ALDH3B2: variants seen among roughly 807,000 people sequenced by gnomAD.
ALDH3B2 encodes the protein aldehyde dehydrogenase 3 family member B2, also known as aldehyde dehydrogenase family 3 member B2.
In ALDH3B2, 45 loss-of-function variants were observed where a neutral mutation model predicts 36.7. The observed-to-expected ratio is 1.23, with a 90% CI of 0.97 to 1.57. The LOEUF is 1.57. ALDH3B2 is among the 40% of genes most tolerant of loss of function. ALDH3B2 has a pLI of 0.00. For missense variants in ALDH3B2, 464 were observed against 513.3 expected (o/e 0.90, Z 0.93); for synonymous variants, 217 against 226.5 (o/e 0.96, Z 0.38).
intron 1 of ALDH3B2, among the ~76,000 whole-genome samples, chr11:67,670,402 C>T (rs1023935027): frequency 1.9e-4 from 29 of 152,044 alleles, no homozygotes; most frequent in African/African-American, 6.5e-4. Context: ...TAATCTCAGC[C>T]CTCAGCTGCA....
chr11:67,672,148 AT>A (rs59262273), intron 1 of ALDH3B2, among the ~76,000 whole-genome samples: 74,459 of 95,990 alleles, frequency 0.78, 30,566 homozygotes, highest in South Asian at 0.92. Context: ...ATATATATGT[AT>A]TTTTTTTTTT....
At chr11:67,670,072 GTCCACATGTGTCTGTGTGTGTA>G (rs1856055285) in intron 1 of ALDH3B2, among the ~76,000 whole-genome samples, 1 of 18,404 alleles carries the variant, frequency 5.4e-5, no homozygotes, top group Non-Finnish European at 2.3e-4. Context: ...GGGTGTGTGT[GTCCACATGTGTCTGTGTGTGTA>G]TGGGTGTCTG....
exon 7 of ALDH3B2, chr11:67,665,471 C>T (rs537404605): frequency 1.1e-4 from 176 of 1,614,028 alleles, no homozygotes; most frequent in South Asian, 1.1e-4. Flanking sequence ...TCCTGCATCT[C>T]GGGGCTGCAC....
Position 67,672,134 on chromosome 11 carries a change from G to GTATATA in ALDH3B2, c.-245+2297_-245+2302dup, listed in dbSNP as rs59299469. 1.5e-3 allele frequency among the ~76,000 whole-genome samples: 150 copies of GTATATA among 97,572 alleles called. 6 individuals are homozygous for GTATATA. The highest frequency in any genetic ancestry group is 6.7e-3 in the African/African-American group (139 of 20,858). The allele number at this position is 97,572 out of a possible 152,430, so 64.0% of individuals were successfully genotyped here. A position where few individuals can be genotyped will look rare whatever the true frequency, so the allele number is the denominator to read the frequency against. On this transcript the variant is annotated intron_variant, in intron 1 of 9. Coordinates refer to ENST00000349015, the Ensembl canonical transcript of ALDH3B2. ...TGTGTGTGTGTGTGTGTGTGTGTGT[G>GTATATA]TATATATATATGTATTTTTTTTTTT... is the stretch of plus-strand genomic sequence containing the variant.
exon 7 of ALDH3B2, chr11:67,665,561 G>A (rs1591142314): frequency 1.2e-6 from 2 of 1,614,128 alleles, no homozygotes; most frequent in East Asian, 4.5e-5. Context: ...ACGGTCTGGG[G>A]GTCGCAGTTG....
At chr11:67,676,851 G>A (rs1163916553), upstream of ALDH3B2, among the ~76,000 whole-genome samples, 3 of 152,018 alleles carry the variant, frequency 2.0e-5, no homozygotes, top group Non-Finnish European at 2.9e-5. Context: ...AGAAAACCTA[G>A]AAGCAATGGT....
chr11:67,667,878 C>CCCA (rs1189215602), intron 1 of ALDH3B2: 1 of 159,128 alleles, frequency 6.3e-6, no homozygotes, highest in African/African-American at 2.4e-5. Flanking sequence ...CTTGACCTCC[C>CCCA]CTACTCCAGG....
intron 9 of ALDH3B2, 56 bp from the exon 10 acceptor site, chr11:67,663,455 A>T (rs1252294931): frequency 6.4e-7 from 1 of 1,566,410 alleles, no homozygotes; most frequent in Admixed American, 1.9e-5. Context: ...GAGCCCCAGC[A>T]GCAGCCCACT....
upstream of ALDH3B2, among the ~76,000 whole-genome samples, chr11:67,678,886 G>A (rs944644502): frequency 3.9e-5 from 6 of 152,026 alleles, no homozygotes; most frequent in Admixed American, 2.0e-4. Context: ...TGATCTGGAT[G>A]AGATTGGAGG....
At chr11:67,663,570 TG>T in intron 9 of ALDH3B2, 91 bp downstream of exon 9, 1 of 1,394,516 alleles carries the variant, frequency 7.2e-7, no homozygotes, top group Non-Finnish European at 9.9e-7. Flanking sequence ...GCCCAGGGTG[TG>T]GATCAAGGTT....
At chr11:67,667,128 C>G in intron 2 of ALDH3B2, 112 bp from the exon 3 acceptor site, 1 of 635,234 alleles carries the variant, frequency 1.6e-6, no homozygotes, top group Non-Finnish European at 2.8e-6. Flanking sequence ...ATAAATACAG[C>G]TCCTATGGGA....
upstream of ALDH3B2, among the ~76,000 whole-genome samples, chr11:67,679,261 A>G (rs1856325444): frequency 6.6e-6 from 1 of 152,264 alleles, no homozygotes; most frequent in Non-Finnish European, 1.5e-5. Flanking sequence ...TGAGGTCAGG[A>G]GTTCAAGACC....
chr11:67,679,363 T>C (rs1214661294), upstream of ALDH3B2, among the ~76,000 whole-genome samples: 4 of 151,670 alleles, frequency 2.6e-5, no homozygotes, highest in South Asian at 4.2e-4. Flanking sequence ...CCCAGTTACT[T>C]GGGAGGCTGA....
Position 67,666,315 on chromosome 11 carries a change from C to G in ALDH3B2, c.237+1G>C, listed in dbSNP as rs746883169. On this transcript the variant is annotated splice_donor_variant, in intron 5 of 9. Coordinates refer to ENST00000349015, the Ensembl canonical transcript of ALDH3B2. LOFTEE classifies it high-confidence loss of function. ...CACTGCTGGGGCAGGGCCACCCTCA[C>G]CTGGTCCAGGTACTGGGGCAGCACC... 1 of 1,608,504 alleles carries G rather than the reference C, an allele frequency of 6.2e-7. No individual in the cohort carries two copies. Among genetic ancestry groups the G allele is most frequent in the African/African-American group, 1.3e-5 (1 of 74,934 alleles).
At chr11:67,676,018 G>T (rs1322517419), upstream of ALDH3B2, among the ~76,000 whole-genome samples, 1 of 152,226 alleles carries the variant, frequency 6.6e-6, no homozygotes, top group African/African-American at 2.4e-5. Context: ...GGCCGAAGCT[G>T]GTGGATCACT....
chr11:67,679,629 A>G (rs956573557), upstream of ALDH3B2, among the ~76,000 whole-genome samples: 13 of 151,970 alleles, frequency 8.6e-5, no homozygotes, highest in Non-Finnish European at 1.3e-4. Context: ...AATACAAAAA[A>G]TTAGCTGGGC....
At chr11:67,662,905 A>C in exon 10 of ALDH3B2, 1 of 396,328 alleles carries the variant, frequency 2.5e-6, no homozygotes, top group South Asian at 3.1e-5. Context: ...TTCCAGGGTG[A>C]CACTGCCCCT....
At chr11:67,665,727 G>A in intron 6 of ALDH3B2, 56 bp from the exon 7 acceptor site, 2 of 1,554,740 alleles carry the variant, frequency 1.3e-6, no homozygotes, top group Non-Finnish European at 1.7e-6. Flanking sequence ...AGGCAGGATG[G>A]CCCAGCCCAG....
chr11:67,664,182 G>T, intron 8 of ALDH3B2: 1 of 717,380 alleles, frequency 1.4e-6, no homozygotes, highest in Non-Finnish European at 2.3e-6. Flanking sequence ...GGCCAGGACA[G>T]AGGATGGACC....
Sources: gnomAD v4.1 joint callset for allele counts (sites outside exome capture counted in the v4.1 genomes callset) on GRCh38, gnomAD v4.1.1 for gene constraint, MANE v1.5 for transcripts, NCBI Gene and HGNC (gene_info 2026-07-23, HGNC 2026-07-21) for gene names.